The following SIN3A variants were observed in gnomAD, a reference collection of about 807,000 sequenced individuals.
SIN3A encodes paired amphipathic helix protein Sin3a.
Under a neutral mutation model 146.1 loss-of-function variants are expected in SIN3A, and 14 were observed. The ratio of observed to expected loss-of-function variants is 0.10; its 90% CI spans 0.06 to 0.15. The LOEUF (loss-of-function observed/expected upper bound fraction) is 0.15, where lower values mean the gene tolerates loss of function less well. SIN3A is among the 10% of genes least tolerant of loss of function. SIN3A has a pLI of 1.00. For missense variants in SIN3A, 1,028 were observed against 1,576.0 expected, an observed-to-expected ratio of 0.65 and a Z score of 5.89; for synonymous variants, 572 against 572.0, an observed-to-expected ratio of 1.00 and a Z score of 0.00.
intron 1 of SIN3A, among the ~76,000 whole-genome samples, chr15:75,439,373 C>T (rs2074160709): frequency 6.6e-6 from 1 of 151,242 alleles, no homozygotes; most frequent in South Asian, 2.1e-4. Flanking sequence ...CAGAGTCTTG[C>T]TCTGTCACCC....
In SIN3A at chr15:75,451,653, G is replaced by C. The variant is rs1370003814; in HGVS notation, c.-264C>G. Reference sequence around the variant, plus strand: ...GGGGAGGGGGGAAGATGGAGAAACCGTCTCCGCCGCCTCTACCGCCGCGGC... The same window carrying C: ...GGGGAGGGGGGAAGATGGAGAAACCCTCTCCGCCGCCTCTACCGCCGCGGC... On this transcript the variant is annotated 5_prime_UTR_variant, in exon 1 of 21. Transcript: ENST00000394947. 2 of 151,714 alleles carry C rather than the reference G, an allele frequency of 1.3e-5. No homozygotes were observed. The highest frequency in any genetic ancestry group is 3.9e-4 in the East Asian group (2 of 5,098). The allele number at this position is 151,714 out of a possible 1,614,324, so 9.4% of individuals were successfully genotyped here.
At chr15:75,425,509 G>T (rs1251293946) in intron 2 of SIN3A, among the ~76,000 whole-genome samples, 1 of 152,114 alleles carries the variant, frequency 6.6e-6, no homozygotes, top group Non-Finnish European at 1.5e-5. Flanking sequence ...TACGAGCACT[G>T]TATCTAATGT....
In SIN3A at chr15:75,394,764, G is replaced by A; in HGVS notation, c.2193C>T (p.His731=). Residue 731 remains histidine, a synonymous_variant, in exon 14 of 21, where the codon CAC becomes CAT. Transcript: ENST00000394947. ...CATTCTGTTTAAAGTTGATCCCCTGGTGGTCCAGAGACTTCAAGTAGTATT... is the reference window on the plus strand; with the variant it reads ...CATTCTGTTTAAAGTTGATCCCCTGATGGTCCAGAGACTTCAAGTAGTATT... ...NEKYYLKSLD[H]QGINFKQNDT... The A allele has an allele frequency of 6.2e-7, 1 of 1,614,044 alleles. No homozygotes were observed. The highest frequency in any genetic ancestry group is 8.5e-7 in the Non-Finnish European group (1 of 1,179,962).
At chr15:75,407,550 A>C (rs530132566) in intron 8 of SIN3A, among the ~76,000 whole-genome samples, 3 of 152,182 alleles carry the variant, frequency 2.0e-5, no homozygotes, top group Non-Finnish European at 4.4e-5. Context: ...ACAAATTGAC[A>C]GAAATCAATC....
At chr15:75,451,394 G>GCCCGGCC (rs1186466243) in intron 1 of SIN3A, 29 bp downstream of exon 1, 3 of 128,382 alleles carry the variant, frequency 2.3e-5, no homozygotes, top group African/African-American at 8.6e-5. Context: ...CCAGGCTCCC[G>GCCCGGCC]CCCGGCCCCC....
chr15:75,449,427 TA>T (rs1359573466), intron 1 of SIN3A, among the ~76,000 whole-genome samples: 1 of 152,260 alleles, frequency 6.6e-6, no homozygotes, highest in Admixed American at 6.5e-5. Context: ...GTTCCATGTT[TA>T]TTTTTCTCAT....
chr15:75,427,357 A>T (rs916921411), intron 2 of SIN3A, among the ~76,000 whole-genome samples: 5 of 151,804 alleles, frequency 3.3e-5, no homozygotes, highest in Non-Finnish European at 7.4e-5. Flanking sequence ...GGGGCGACAG[A>T]GCGAGACACC....
At chr15:75,376,066 C>A in intron 19 of SIN3A, 194 bp from the exon 20 acceptor site, 1 of 609,932 alleles carries the variant, frequency 1.6e-6, no homozygotes, top group Non-Finnish European at 2.9e-6. Context: ...AAGCAGAAAT[C>A]TTCACCCATC....
chr15:75,392,210 A>G (rs2073218123), intron 15 of SIN3A, 32 bp downstream of exon 15: 1 of 1,590,308 alleles, frequency 6.3e-7, no homozygotes, highest in Non-Finnish European at 8.6e-7. Flanking sequence ...AACCTCACAC[A>G]TCCTCTGTAA....
At chr15:75,405,150 C>T (rs573889907) in intron 9 of SIN3A, among the ~76,000 whole-genome samples, 9 of 150,934 alleles carry the variant, frequency 6.0e-5, no homozygotes, top group East Asian at 4.0e-4. Flanking sequence ...GCTGATCACC[C>T]GAGGTCAGGA....
At position 75,370,539 on chromosome 15, in the gene SIN3A, T is replaced by C. The variant is rs1332379673; in HGVS notation, c.*1440A>G. ...GTTTAAATTTATGTAATTAAAAAAA[T>C]AGGTATCCCATTTCAAATTCTCTCC... On this transcript the variant is annotated 3_prime_UTR_variant, in exon 21 of 21. Transcript: ENST00000394947. The C allele has an allele frequency of 2.0e-5, 3 of 152,178 alleles. No homozygotes were observed. The highest frequency in any genetic ancestry group is 4.4e-5 in the Non-Finnish European group (3 of 68,036). 9.4% of individuals were successfully genotyped at this position (152,178 alleles called of 1,614,324 possible). A position where few individuals can be genotyped will look rare whatever the true frequency, so the allele number is the denominator to read the frequency against.
intron 15 of SIN3A, among the ~76,000 whole-genome samples, chr15:75,390,596 T>C (rs776197676): frequency 3.9e-5 from 6 of 152,234 alleles, no homozygotes; most frequent in Non-Finnish European, 5.9e-5. Flanking sequence ...ATCTCTAGTG[T>C]TAGAAATCAA....
intron 14 of SIN3A, among the ~76,000 whole-genome samples, chr15:75,393,537 G>C (rs1264223513): frequency 6.6e-6 from 1 of 152,060 alleles, no homozygotes; most frequent in Non-Finnish European, 1.5e-5. Context: ...CACCATGCCA[G>C]GCTAATTTTG....
chr15:75,403,294 G>C (rs1212403286), intron 9 of SIN3A, among the ~76,000 whole-genome samples: 1 of 151,704 alleles, frequency 6.6e-6, no homozygotes, highest in Non-Finnish European at 1.5e-5. Flanking sequence ...GCTAGGCGTG[G>C]TGGTGGGCAC....
At chr15:75,446,816 G>A (rs2141632902) in intron 1 of SIN3A, among the ~76,000 whole-genome samples, 1 of 152,110 alleles carries the variant, frequency 6.6e-6, no homozygotes, top group African/African-American at 2.4e-5. Flanking sequence ...CTGTCGCCCA[G>A]GCTAGAGTGC....
upstream of SIN3A, chr15:75,452,948 CAGTG>C (rs1263131579): frequency 1.3e-5 from 2 of 152,366 alleles, no homozygotes; most frequent in African/African-American, 4.8e-5. Flanking sequence ...CTCGAACACA[CAGTG>C]AGACAAAGTG....
At chr15:75,385,997 T>TGAA (rs1245196361) in intron 16 of SIN3A, among the ~76,000 whole-genome samples, 1 of 152,212 alleles carries the variant, frequency 6.6e-6, no homozygotes, top group Non-Finnish European at 1.5e-5. Context: ...AAGCATGACT[T>TGAA]CAATCATACA....
At chr15:75,433,025 C>T (rs1054477942) in intron 1 of SIN3A, among the ~76,000 whole-genome samples, 1 of 151,922 alleles carries the variant, frequency 6.6e-6, no homozygotes, top group East Asian at 1.9e-4. Flanking sequence ...TGGGGGACAG[C>T]GCGACTGTCT....
chr15:75,415,480 C>A, intron 3 of SIN3A: 2 of 202,878 alleles, frequency 9.9e-6, no homozygotes, highest in South Asian at 1.1e-4. Flanking sequence ...GGAGATAGAG[C>A]CAAGGTGAAG....
Sources: allele counts gnomAD v4.1 joint callset (sites outside exome capture counted in the v4.1 genomes callset), GRCh38; gene constraint gnomAD v4.1.1; transcripts MANE v1.5; gene names NCBI Gene and HGNC (gene_info 2026-07-23, HGNC 2026-07-21).